TMEM178B: variants seen among roughly 807,000 people sequenced by gnomAD.
The protein encoded by TMEM178B is transmembrane protein 178B.
Under a neutral mutation model 31.0 loss-of-function variants are expected in TMEM178B, and 5 were observed. The observed-to-expected ratio is 0.16, with a 90% CI of 0.08 to 0.34. The LOEUF (loss-of-function observed/expected upper bound fraction) is 0.34, where lower values mean the gene tolerates loss of function less well. Among genes scored for constraint, TMEM178B ranks in the 10% least tolerant of loss-of-function variants. The pLI is 1.00. For synonymous variants in TMEM178B, 164 were observed against 164.0 expected, an observed-to-expected ratio of 1.00 and a Z score of 0.00; for missense variants, 275 against 400.3, an observed-to-expected ratio of 0.69 and a Z score of 2.67.
At chr7:141,326,967 A>G (rs1799201974) in intron 2 of TMEM178B, among the ~76,000 whole-genome samples, 1 of 152,216 alleles carries the variant, frequency 6.6e-6, no homozygotes, top group Non-Finnish European at 1.5e-5. Flanking sequence ...AAAAATAAAT[A>G]GCCATGTGTT....
At chr7:141,170,424 T>C (rs895204606) in intron 1 of TMEM178B, among the ~76,000 whole-genome samples, 1 of 152,008 alleles carries the variant, frequency 6.6e-6, no homozygotes, top group African/African-American at 2.4e-5. Context: ...TTTTATTGAG[T>C]GTGTTGTGAC....
At chr7:141,387,441 C>G (rs561935373) in intron 2 of TMEM178B, among the ~76,000 whole-genome samples, 1 of 152,110 alleles carries the variant, frequency 6.6e-6, no homozygotes, top group East Asian at 1.9e-4. Flanking sequence ...GAAATTCTAC[C>G]CCTTCTTCTG....
the TMEM178B span, among the ~76,000 whole-genome samples, chr7:141,500,386 C>T: frequency 6.6e-6 from 1 of 152,076 alleles, no homozygotes; most frequent in South Asian, 2.1e-4. Flanking sequence ...CAGGAAAACT[C>T]GGAGGAAGTG....
chr7:141,409,997 C>T (rs2077023), intron 2 of TMEM178B, among the ~76,000 whole-genome samples: 7,079 of 152,250 alleles, frequency 0.046, 244 homozygotes, highest in South Asian at 0.1. Context: ...CTTTGCTTAG[C>T]CCTGGGCTCA....
At chr7:141,431,902 T>C (rs1019914632) in intron 2 of TMEM178B, among the ~76,000 whole-genome samples, 2 of 152,092 alleles carry the variant, frequency 1.3e-5, no homozygotes, top group Non-Finnish European at 2.9e-5. Context: ...GACACATAGG[T>C]TAACGAGAAT....
intron 2 of TMEM178B, among the ~76,000 whole-genome samples, chr7:141,234,443 T>A (rs983213031): frequency 1.3e-5 from 2 of 152,044 alleles, no homozygotes; most frequent in African/African-American, 4.8e-5. Flanking sequence ...GCCAGAGGGA[T>A]GTCTGAGCAG....
chr7:141,407,727 A>G (rs531201939), intron 2 of TMEM178B, among the ~76,000 whole-genome samples: 2 of 152,310 alleles, frequency 1.3e-5, no homozygotes, highest in South Asian at 4.1e-4. Context: ...TTGGAACCCA[A>G]TCTGATGCCC....
chr7:141,161,614 C>T (rs575770595), intron 1 of TMEM178B, among the ~76,000 whole-genome samples: 1 of 152,102 alleles, frequency 6.6e-6, no homozygotes, highest in East Asian at 1.9e-4. Context: ...AGCAGTGGTC[C>T]CCCAGATCCA....
chr7:141,286,527 A>G (rs1423910284), intron 2 of TMEM178B, among the ~76,000 whole-genome samples: 1 of 152,198 alleles, frequency 6.6e-6, no homozygotes, highest in Non-Finnish European at 1.5e-5. Context: ...TGGCCTGGCT[A>G]TCATATTGTT....
At chr7:141,508,160 T>C in the TMEM178B span, among the ~76,000 whole-genome samples, 487 of 152,322 alleles carry the variant, frequency 3.2e-3, 2 homozygotes, top group African/African-American at 9.0e-3. Context: ...GCTTAGAAAC[T>C]TCTTCTGCCA....
At chr7:141,155,493 C>G (rs1796053734) in intron 1 of TMEM178B, among the ~76,000 whole-genome samples, 1 of 152,196 alleles carries the variant, frequency 6.6e-6, no homozygotes, top group South Asian at 2.1e-4. Flanking sequence ...AGCTGGCACA[C>G]AAAATGAAGC....
At chr7:141,377,777 A>G (rs1800245283) in intron 2 of TMEM178B, among the ~76,000 whole-genome samples, 2 of 152,230 alleles carry the variant, frequency 1.3e-5, no homozygotes, top group African/African-American at 2.4e-5. Context: ...TTCTTTTGGA[A>G]GTTGAGTACT....
chr7:141,234,540 C>T (rs755862789), intron 2 of TMEM178B, among the ~76,000 whole-genome samples: 5 of 152,284 alleles, frequency 3.3e-5, no homozygotes, highest in Non-Finnish European at 7.4e-5. Context: ...AACTCAGGCA[C>T]ACCAGGGCTG....
intron 1 of TMEM178B, among the ~76,000 whole-genome samples, chr7:141,124,374 A>AT: frequency 6.6e-6 from 1 of 152,276 alleles, no homozygotes; most frequent in East Asian, 1.9e-4. Flanking sequence ...CTAAAAAAAA[A>AT]ATAGAAAAAA....
intron 2 of TMEM178B, among the ~76,000 whole-genome samples, chr7:141,348,617 C>G (rs1008562752): frequency 1.3e-5 from 2 of 151,874 alleles, no homozygotes; most frequent in African/African-American, 4.8e-5. Context: ...AGGCTGAAAG[C>G]AAATCTTCAC....
chr7:141,357,059 A>G (rs186940851), intron 2 of TMEM178B, among the ~76,000 whole-genome samples: 8 of 152,366 alleles, frequency 5.3e-5, no homozygotes, highest in Admixed American at 5.2e-4. Context: ...TTAAAGAAGA[A>G]GAAAAGTATT....
chr7:141,181,804 C>T (rs1319507263), intron 1 of TMEM178B, among the ~76,000 whole-genome samples: 4 of 152,142 alleles, frequency 2.6e-5, no homozygotes, highest in African/African-American at 7.2e-5. Flanking sequence ...AAGTCTTCCT[C>T]CTTGGGTGCT....
At chr7:141,440,408 A>C (rs556245235) in intron 3 of TMEM178B, among the ~76,000 whole-genome samples, 6 of 152,166 alleles carry the variant, frequency 3.9e-5, no homozygotes, top group Non-Finnish European at 8.8e-5. Context: ...GATGATCTTA[A>C]TGTACAGCCA....
intron 2 of TMEM178B, among the ~76,000 whole-genome samples, chr7:141,382,811 A>C (rs1206491726): frequency 6.6e-6 from 1 of 152,222 alleles, no homozygotes; most frequent in Non-Finnish European, 1.5e-5. Context: ...AACAAACCTC[A>C]CAATGCACAC....
Sources: gnomAD v4.1 joint callset for allele counts (sites outside exome capture counted in the v4.1 genomes callset) on GRCh38, gnomAD v4.1.1 for gene constraint, MANE v1.5 for transcripts, NCBI Gene and HGNC (gene_info 2026-07-23, HGNC 2026-07-21) for gene names.